The following ADAMTS6 variants were observed in gnomAD, a reference collection of about 807,000 sequenced individuals.
ADAMTS6 encodes the protein ADAM metallopeptidase with thrombospondin type 1 motif 6, also known as A disintegrin and metalloproteinase with thrombospondin motifs 6.
Under a neutral mutation model 144.3 loss-of-function variants are expected in ADAMTS6, and 23 were observed. The observed-to-expected ratio is 0.16, with a 90% confidence interval of 0.11 to 0.23. The LOEUF (loss-of-function observed/expected upper bound fraction) is 0.23. Ranked by LOEUF, ADAMTS6 falls within the 10% of genes least tolerant of loss-of-function variation. The pLI is 1.00. For missense variants in ADAMTS6, 999 were observed against 1,379.6 expected (o/e 0.72, Z 4.37); for synonymous variants, 444 against 457.5 (o/e 0.97, Z 0.38).
At chr5:65,181,318 C>T (rs1754336348) in intron 22 of ADAMTS6, among the ~76,000 whole-genome samples, 1 of 152,196 alleles carries the variant, frequency 6.6e-6, no homozygotes, top group African/African-American at 2.4e-5. Context: ...ACTTGTTCCA[C>T]TTGTTTTAAT....
intron 3 of ADAMTS6, among the ~76,000 whole-genome samples, chr5:65,466,222 C>G (rs923579477): frequency 6.6e-6 from 1 of 152,202 alleles, no homozygotes; most frequent in African/African-American, 2.4e-5. Flanking sequence ...GCCTTTACAT[C>G]TGGCTCCCAG....
At chr5:65,407,194 A>G (rs1371470585) in intron 7 of ADAMTS6, among the ~76,000 whole-genome samples, 1 of 152,164 alleles carries the variant, frequency 6.6e-6, no homozygotes, top group Non-Finnish European at 1.5e-5. Context: ...CAGATTCACC[A>G]AAGTTGAAAT....
chr5:65,175,923 A>G (rs1753949138), intron 22 of ADAMTS6, among the ~76,000 whole-genome samples: 1 of 152,170 alleles, frequency 6.6e-6, no homozygotes, highest in African/African-American at 2.4e-5. Context: ...GGACTGAACA[A>G]GGTCTTATTA....
intron 7 of ADAMTS6, chr5:65,415,784 C>T: frequency 3.9e-6 from 1 of 258,114 alleles, no homozygotes; most frequent in Non-Finnish European, 7.6e-6. Context: ...AAGGAGGTGG[C>T]CACTGCCATA....
intron 9 of ADAMTS6, among the ~76,000 whole-genome samples, chr5:65,312,037 G>C (rs1408298947): frequency 6.6e-6 from 1 of 151,858 alleles, no homozygotes; most frequent in African/African-American, 2.4e-5. Flanking sequence ...CTAGTACATA[G>C]AACATGTACT....
chr5:65,254,150 A>G (rs1760454541), intron 14 of ADAMTS6, among the ~76,000 whole-genome samples: 1 of 151,896 alleles, frequency 6.6e-6, no homozygotes, highest in South Asian at 2.1e-4. Context: ...CGGCCACATT[A>G]CTCAGTCTTA....
Position 65,451,459 on chromosome 5 carries a change from T to C in ADAMTS6, c.1073+16A>G, listed in dbSNP as rs748108305. On this transcript the variant is annotated intron_variant, in intron 7 of 24. Coordinates refer to ENST00000381055, the MANE Select transcript of ADAMTS6 (RefSeq NM_197941.4). The stretch of plus-strand genomic sequence containing the variant: ...AACACAACAATCAATGGAAAAATAC[T>C]TGCAACAAACCATACCTAGTAATAA... 1.2e-6 allele frequency: 2 copies of C among 1,612,290 alleles called. No individual in the cohort carries two copies. The highest frequency in any genetic ancestry group is 4.5e-5 in the East Asian group (2 of 44,768).
chr5:65,408,088 A>C (rs1012196071), intron 7 of ADAMTS6, among the ~76,000 whole-genome samples: 1 of 152,172 alleles, frequency 6.6e-6, no homozygotes, highest in Admixed American at 6.6e-5. Flanking sequence ...AAACTACATA[A>C]ACTAATGGGC....
Position 65,322,366 on chromosome 5 carries a change from G to T in ADAMTS6, c.1223+7012C>A, listed in dbSNP as rs147781569. ...GGCTATTTATTCAGGCTCCATTTCG[G>T]TTCCATATGAATTTTAAAACTGTTT... On this transcript the variant is annotated intron_variant, in intron 9 of 24. Coordinates refer to ENST00000381055, the MANE Select transcript of ADAMTS6 (RefSeq NM_197941.4). Among the ~76,000 whole-genome samples the T allele has an allele frequency of 9.7e-4, 148 of 152,160 alleles. 3 individuals are homozygous for T. Among genetic ancestry groups the T allele is most frequent in the African/African-American group, 3.3e-3 (139 of 41,524 alleles).
intron 7 of ADAMTS6, among the ~76,000 whole-genome samples, chr5:65,386,085 A>G (rs1203309403): frequency 6.6e-6 from 1 of 152,214 alleles, no homozygotes; most frequent in African/African-American, 2.4e-5. Flanking sequence ...ATAAGCTATA[A>G]TTCTACCAGA....
chr5:65,347,694 T>G (rs1228319717), intron 7 of ADAMTS6, among the ~76,000 whole-genome samples: 1 of 151,932 alleles, frequency 6.6e-6, no homozygotes, highest in Non-Finnish European at 1.5e-5. Context: ...GCAAAGGAAA[T>G]TTAACAGTGA....
chr5:65,334,002 A>C, intron 8 of ADAMTS6, 40 bp downstream of exon 8: 1 of 1,109,540 alleles, frequency 9.0e-7, no homozygotes, highest in Non-Finnish European at 1.2e-6. Flanking sequence ...TTTATTAAAA[A>C]AAAAAAAAAA....
chr5:65,316,543 C>G (rs1745017780), intron 9 of ADAMTS6, among the ~76,000 whole-genome samples: 1 of 152,026 alleles, frequency 6.6e-6, no homozygotes, highest in Non-Finnish European at 1.5e-5. Flanking sequence ...AAGATGAGTA[C>G]TGTCAGACTG....
At chr5:65,155,204 C>G (rs1433912678) in intron 24 of ADAMTS6, among the ~76,000 whole-genome samples, 1 of 152,152 alleles carries the variant, frequency 6.6e-6, no homozygotes, top group Non-Finnish European at 1.5e-5. Flanking sequence ...TCAAGCATAT[C>G]ATTTGTGTAA....
At chr5:65,247,940 GC>G (rs1638856650) in intron 14 of ADAMTS6, among the ~76,000 whole-genome samples, 1 of 152,000 alleles carries the variant, frequency 6.6e-6, no homozygotes, top group African/African-American at 2.4e-5. Flanking sequence ...TTAGTAGATT[GC>G]CCCCTGTTTG....
At chr5:65,155,477 G>C (rs776913585) in intron 24 of ADAMTS6, among the ~76,000 whole-genome samples, 1 of 152,134 alleles carries the variant, frequency 6.6e-6, no homozygotes, top group Non-Finnish European at 1.5e-5. Flanking sequence ...GAACACAGTG[G>C]TAAGTATTTG....
chr5:65,188,064 G>A lies in ADAMTS6; in HGVS notation c.2862C>T (p.Cys954=). 2 of 1,614,114 alleles carry A rather than the reference G, an allele frequency of 1.2e-6. No homozygotes were observed. Among genetic ancestry groups the A allele is most frequent in the Non-Finnish European group, 1.7e-6 (2 of 1,179,990 alleles). Residue 954 remains cysteine (C), a synonymous_variant, in exon 22 of 25, where the codon TGC becomes TGT. Coordinates refer to ENST00000381055, the MANE Select transcript of ADAMTS6 (RefSeq NM_197941.4). ...ACTGTGGTGGACATGACTGGTTGTTGCAGGGCTCTTTTTCGACAGGCCGGT... is the reference window on the plus strand; with the variant it reads ...ACTGTGGTGGACATGACTGGTTGTTACAGGGCTCTTTTTCGACAGGCCGGT... The part of the protein sequence containing the change: ...LTHRPVEKEP[C]NNQSCPPQWV...
At chr5:65,172,593 T>C (rs147464656) in intron 23 of ADAMTS6, among the ~76,000 whole-genome samples, 286 of 152,308 alleles carry the variant, frequency 1.9e-3, no homozygotes, top group African/African-American at 6.6e-3. Context: ...ACAATGGATC[T>C]GAAGAATAGA....
At chr5:65,248,580 C>G (rs910268656) in intron 14 of ADAMTS6, among the ~76,000 whole-genome samples, 27 of 152,116 alleles carry the variant, frequency 1.8e-4, no homozygotes, top group Middle Eastern at 3.4e-3. Flanking sequence ...CAGGGTGGAT[C>G]GCTCGAGTTC....
Sources: allele counts gnomAD v4.1 joint callset (sites outside exome capture counted in the v4.1 genomes callset), GRCh38; gene constraint gnomAD v4.1.1; transcripts MANE v1.5; gene names NCBI Gene and HGNC (gene_info 2026-07-23, HGNC 2026-07-21).